CHN2: variants seen among roughly 807,000 people sequenced by gnomAD.
CHN2 encodes chimerin 2.
CHN2 carries 35 observed loss-of-function variants against 56.3 expected under a neutral mutation model. That is an observed-to-expected ratio of 0.62 (90% CI 0.47 to 0.82). The LOEUF (loss-of-function observed/expected upper bound fraction) is 0.82. Among genes scored for constraint, CHN2 ranks in the 40% least tolerant of loss-of-function variants. The pLI, the probability that CHN2 is intolerant of heterozygous loss-of-function variation, is 0.00. For synonymous variants in CHN2, 210 were observed against 212.8 expected (o/e 0.99, Z 0.12); for missense variants, 491 against 580.5 (o/e 0.85, Z 1.58).
At position 29,512,831 on chromosome 7, in the gene CHN2, G is replaced by GCAAGTGCTAGAATT; in HGVS notation, c.*97_*110dup. On this transcript the variant is annotated 3_prime_UTR_variant, in exon 13 of 13. Transcript: ENST00000222792. ...TCTTACCACTTGATTTGTTTTCCAA[G>GCAAGTGCTAGAATT]CAAGTGCTAGAATTTCCTGGACTGC... The GCAAGTGCTAGAATT allele has an allele frequency of 7.2e-7, 1 of 1,390,284 alleles. No individual in the cohort carries two copies. Among genetic ancestry groups the GCAAGTGCTAGAATT allele is most frequent in the Admixed American group, 2.4e-5 (1 of 41,824 alleles). The allele number at this position is 1,390,284 out of a possible 1,614,324, so 86.1% of individuals were successfully genotyped here. A position where few individuals can be genotyped will look rare whatever the true frequency, so the allele number is the denominator to read the frequency against.
intron 6 of CHN2, among the ~76,000 whole-genome samples, chr7:29,428,933 T>A (rs1054638451): frequency 4.6e-5 from 7 of 152,116 alleles, no homozygotes; most frequent in African/African-American, 1.7e-4. Flanking sequence ...GCTTTTCTGG[T>A]CAGCTGGAAA....
chr7:29,483,334 G>T (rs1787555862), intron 7 of CHN2, among the ~76,000 whole-genome samples: 1 of 152,180 alleles, frequency 6.6e-6, no homozygotes, highest in Admixed American at 6.5e-5. Context: ...CTCTCAGAAA[G>T]CTCACAGTCA....
At chr7:29,463,999 G>A (rs1321889732) in intron 6 of CHN2, among the ~76,000 whole-genome samples, 2 of 152,164 alleles carry the variant, frequency 1.3e-5, no homozygotes, top group African/African-American at 4.8e-5. Context: ...AGAAGAAAAA[G>A]GATACATAAC....
At chr7:29,426,133 C>T (rs951865478) in intron 6 of CHN2, among the ~76,000 whole-genome samples, 5 of 132,748 alleles carry the variant, frequency 3.8e-5, no homozygotes, top group East Asian at 2.5e-4. Context: ...TGTTTGAGCT[C>T]GGGAGGTGGA....
chr7:29,349,487 A>C (rs1057178973), intron 1 of CHN2, among the ~76,000 whole-genome samples: 8 of 152,202 alleles, frequency 5.3e-5, no homozygotes, highest in African/African-American at 1.9e-4. Flanking sequence ...CTATGCTCTC[A>C]ACCGCAAACT....
At position 29,194,955 on chromosome 7, in the gene CHN2, GCAA is replaced by G; in HGVS notation, c.16_18del (p.Asn6del). 3 of 1,576,104 alleles carry G rather than the reference GCAA, an allele frequency of 1.9e-6. No individual in the cohort carries two copies. The highest frequency in any genetic ancestry group is 2.6e-6 in the Non-Finnish European group (3 of 1,164,416). On this transcript the variant is annotated inframe_deletion, in exon 1 of 13. Coordinates refer to ENST00000222792, the MANE Select transcript of CHN2 (RefSeq NM_004067.4). ...GGGCGCGCGGAGATGGCAGCGTCCA[GCAA>G]CTCCAGCCTGTCCGGCTCGTCGGTG...
intron 3 of CHN2, among the ~76,000 whole-genome samples, chr7:29,387,580 A>T (rs1177545914): frequency 6.6e-6 from 1 of 152,250 alleles, no homozygotes; most frequent in Non-Finnish European, 1.5e-5. Flanking sequence ...TGCAGATCCC[A>T]CATTTCTAGC....
At chr7:29,170,644 C>T (rs1796475631) in intron 2 of CHN2, among the ~76,000 whole-genome samples, 1 of 152,182 alleles carries the variant, frequency 6.6e-6, no homozygotes, top group Non-Finnish European at 1.5e-5. Context: ...TTCTGTGTGA[C>T]TTTCTGTAAT....
At chr7:29,308,969 G>A (rs1794376455) in intron 1 of CHN2, among the ~76,000 whole-genome samples, 1 of 152,114 alleles carries the variant, frequency 6.6e-6, no homozygotes, top group African/African-American at 2.4e-5. Context: ...GCACAAACCT[G>A]GCAATGCAAC....
chr7:29,250,948 G>A (rs1788461512), intron 1 of CHN2, among the ~76,000 whole-genome samples: 1 of 152,080 alleles, frequency 6.6e-6, no homozygotes, highest in Admixed American at 6.6e-5. Flanking sequence ...GACTTCAGGT[G>A]ATCCACCCGC....
intron 6 of CHN2, among the ~76,000 whole-genome samples, chr7:29,445,395 C>T (rs541711997): frequency 1.1e-4 from 16 of 152,262 alleles, no homozygotes; most frequent in African/African-American, 3.6e-4. Context: ...ATTCATCTGG[C>T]CACCAAAAAT....
rs56732951 is a variant in CHN2, at chr7:29,400,874, G to A, written c.576+46G>A. The A allele has an allele frequency of 3.8e-3, 6,021 of 1,577,842 alleles. 212 individuals carry two copies. The African/African-American group carries it at 0.071, about 19-fold the overall frequency. On this transcript the variant is annotated intron_variant, in intron 6 of 12. Transcript: ENST00000222792. ...GCAGCCTTTCGTTTTAATCCATGCC[G>A]CATCAACAGGCGGGTTAACTATAGG...
chr7:29,232,849 AT>A (rs1431070674), intron 1 of CHN2, among the ~76,000 whole-genome samples: 2 of 152,160 alleles, frequency 1.3e-5, no homozygotes, highest in Non-Finnish European at 2.9e-5. Flanking sequence ...GACAGACATT[AT>A]TTTAAACGGA....
At chr7:29,393,469 A>T (rs949284443) in intron 3 of CHN2, among the ~76,000 whole-genome samples, 15 of 152,092 alleles carry the variant, frequency 9.9e-5, no homozygotes, top group Admixed American at 5.2e-4. Flanking sequence ...TTTGGGTGGG[A>T]AATGAGCCTA....
At chr7:29,299,317 T>G (rs1256119705) in intron 1 of CHN2, among the ~76,000 whole-genome samples, 1 of 152,220 alleles carries the variant, frequency 6.6e-6, no homozygotes, top group Non-Finnish European at 1.5e-5. Flanking sequence ...CTGTCTGGTT[T>G]CATTGAAATC....
At chr7:29,302,332 T>C (rs990782234) in intron 1 of CHN2, among the ~76,000 whole-genome samples, 1 of 151,770 alleles carries the variant, frequency 6.6e-6, no homozygotes, top group Admixed American at 6.6e-5. Flanking sequence ...TCTTTCTTCG[T>C]ATTTCTTCTT....
intron 2 of CHN2, among the ~76,000 whole-genome samples, chr7:29,150,087 A>G (rs1584427758): frequency 6.6e-6 from 1 of 152,184 alleles, no homozygotes. Context: ...TGAAAACAAG[A>G]TTTAAAACTG....
intron 6 of CHN2, among the ~76,000 whole-genome samples, chr7:29,404,857 A>G (rs537827849): frequency 2.0e-5 from 3 of 152,136 alleles, no homozygotes; most frequent in African/African-American, 7.2e-5. Flanking sequence ...GAGCCACCGC[A>G]TCCAGCCAAA....
chr7:29,459,859 C>T (rs1351090188), intron 6 of CHN2, among the ~76,000 whole-genome samples: 1 of 152,116 alleles, frequency 6.6e-6, no homozygotes, highest in Middle Eastern at 3.2e-3. Flanking sequence ...CCATTAGAAA[C>T]CAGGCAACCA....
Sources: allele counts gnomAD v4.1 joint callset (sites outside exome capture counted in the v4.1 genomes callset), GRCh38; gene constraint gnomAD v4.1.1; transcripts MANE v1.5; gene names NCBI Gene and HGNC (gene_info 2026-07-23, HGNC 2026-07-21).